Variants in MYRFL observed in about 807,000 individuals in gnomAD.
MYRFL encodes the protein myelin regulatory factor-like protein.
MYRFL carries 88 observed loss-of-function variants against 109.4 expected under a neutral mutation model. That is an observed-to-expected ratio of 0.80 (90% CI 0.68 to 0.96). The LOEUF (loss-of-function observed/expected upper bound fraction) is 0.96. MYRFL is among the 40% of genes least tolerant of loss of function. The pLI is 0.00. For synonymous variants in MYRFL, 324 were observed against 320.9 expected, an observed-to-expected ratio of 1.01 and a Z score of -0.10; for missense variants, 957 against 954.9, an observed-to-expected ratio of 1.00 and a Z score of -0.03.
At chr12:69,901,801 C>T (rs1954192026) in intron 10 of MYRFL, among the ~76,000 whole-genome samples, 2 of 151,990 alleles carry the variant, frequency 1.3e-5, no homozygotes, top group South Asian at 4.2e-4. Flanking sequence ...TAAATTTACA[C>T]AAAATAATGT....
intron 7 of MYRFL, among the ~76,000 whole-genome samples, chr12:69,891,798 A>C (rs543355452): frequency 6.6e-6 from 1 of 151,728 alleles, no homozygotes; most frequent in South Asian, 2.1e-4. Context: ...TCCCAGGCTC[A>C]AGTGGGAGCC....
chr12:69,851,476 T>C (rs994223299), intron 1 of MYRFL, among the ~76,000 whole-genome samples: 7 of 152,196 alleles, frequency 4.6e-5, no homozygotes, highest in Non-Finnish European at 1.0e-4. Flanking sequence ...GGGTAAAAAT[T>C]TGATGAGAAA....
chr12:69,836,861 T>C (rs961885554), intron 1 of MYRFL, among the ~76,000 whole-genome samples: 6 of 152,142 alleles, frequency 3.9e-5, no homozygotes, highest in African/African-American at 1.4e-4. Context: ...TGTGAAAATG[T>C]TAGAAAAAAC....
rs1044055662 is a variant in MYRFL, at chr12:69,880,278, G to A, written c.542G>A (p.Cys181Tyr). The A allele has an allele frequency of 7.1e-6, 5 of 702,566 alleles. No homozygotes were observed. The highest frequency in any genetic ancestry group is 1.3e-5 in the Non-Finnish European group (5 of 384,770). The allele number at this position is 702,566 out of a possible 1,614,324, so 43.5% of individuals were successfully genotyped here. A position where few individuals can be genotyped will look rare whatever the true frequency, so the allele number is the denominator to read the frequency against. ...EDSGECRVWA[C>Y]HCRPMTSRSR... ...TCCGGGGAATGCCGAGTGTGGGCCTGCCACTGCAGACCGAGTGAGCAAACC... is the reference window on the plus strand; with the variant it reads ...TCCGGGGAATGCCGAGTGTGGGCCTACCACTGCAGACCGAGTGAGCAAACC... The change falls in exon 5 of 25, where the codon TGC (cysteine) becomes TAC (tyrosine). Residue 181 changes from cysteine (C) to tyrosine (Y), a missense_variant. Coordinates refer to ENST00000552032, the MANE Select transcript of MYRFL (RefSeq NM_182530.3).
At chr12:69,918,093 C>T (rs994713139) in intron 13 of MYRFL, among the ~76,000 whole-genome samples, 7 of 152,136 alleles carry the variant, frequency 4.6e-5, no homozygotes, top group Non-Finnish European at 8.8e-5. Context: ...TGTTTTAAAA[C>T]ATTTCAGATT....
chr12:69,906,694 T>G (rs1036849654), intron 11 of MYRFL, among the ~76,000 whole-genome samples: 42 of 152,158 alleles, frequency 2.8e-4, no homozygotes, highest in African/African-American at 1.0e-3. Flanking sequence ...ATGCAAAGTC[T>G]CCCTCTGGGC....
Position 69,910,025 on chromosome 12 carries a change from C to T in MYRFL, c.1440C>T (p.Asp480=), listed in dbSNP as rs1457523157. 6.5e-7 allele frequency: 1 copy of T among 1,534,676 alleles called. No individual in the cohort carries two copies. Among genetic ancestry groups the T allele is most frequent in the East Asian group, 2.4e-5 (1 of 40,874 alleles). The part of the protein sequence containing the change: ...RIAQMRIVEY[D]YKPEFASAMG... ...CCCAAATGAGAATTGTTGAATATGA[C>T]TACAAACCTGAATTTGCATCTGCAA... The change falls in exon 12 of 25, where the codon GAC becomes GAT. Residue 480 remains aspartate (D), a synonymous_variant. Transcript: ENST00000552032.
At chr12:69,936,813 C>A (rs1955485426) in intron 19 of MYRFL, among the ~76,000 whole-genome samples, 181 bp downstream of exon 19, 1 of 152,146 alleles carries the variant, frequency 6.6e-6, no homozygotes, top group Admixed American at 6.5e-5. Flanking sequence ...GAGTTCCTTG[C>A]CCAGGAATGA....
At position 69,891,142 on chromosome 12, in the gene MYRFL, T is replaced by C. The variant is rs559498459; in HGVS notation, c.879T>C (p.Phe293=). Residue 293 remains phenylalanine (F), a synonymous_variant, in exon 7 of 25, where the codon TTT becomes TTC. Transcript: ENST00000552032. ...TGGGCCTAAAGCCAATAGAAATGTT[T>C]TACTTGAAAGTTTTTGGCACTAAGG... is the stretch of plus-strand genomic sequence containing the variant. ...TEMGLKPIEM[F]YLKVFGTKVE... 2.9e-5 allele frequency: 44 copies of C among 1,520,350 alleles called. No individual in the cohort carries two copies. The African/African-American group carries it at 5.7e-4, about 20-fold the overall frequency. 94.2% of individuals were successfully genotyped at this position (1,520,350 alleles called of 1,614,324 possible).
intron 13 of MYRFL, among the ~76,000 whole-genome samples, chr12:69,924,825 G>A (rs1955023462): frequency 6.6e-6 from 1 of 152,060 alleles, no homozygotes; most frequent in Admixed American, 6.5e-5. Context: ...GCAAACATAG[G>A]CCTCAGAAAT....
chr12:69,901,147 G>C (rs1414564893), intron 10 of MYRFL, among the ~76,000 whole-genome samples: 1 of 152,140 alleles, frequency 6.6e-6, no homozygotes, highest in Non-Finnish European at 1.5e-5. Flanking sequence ...TAGAATGCTC[G>C]GGTCTCTTCC....
chr12:69,875,734 AC>A (rs1434821276), intron 2 of MYRFL, among the ~76,000 whole-genome samples: 6 of 152,142 alleles, frequency 3.9e-5, no homozygotes, highest in Non-Finnish European at 7.3e-5. Flanking sequence ...TGAAAATCTA[AC>A]TAACGCCTGA....
intron 2 of MYRFL, among the ~76,000 whole-genome samples, chr12:69,857,311 T>TA (rs1884356871): frequency 6.6e-6 from 1 of 151,928 alleles, no homozygotes; most frequent in South Asian, 2.1e-4. Context: ...TTATAAGCCT[T>TA]AAAATAATAT....
chr12:69,952,758 C>A (rs1462699382), intron 20 of MYRFL, 41 bp from the exon 21 acceptor site: 2 of 1,364,178 alleles, frequency 1.5e-6, no homozygotes, highest in Non-Finnish European at 9.9e-7. Context: ...TTTTTCCTTT[C>A]AGAAGAGTTT....
chr12:69,896,078 C>CT (rs911829595), intron 9 of MYRFL, among the ~76,000 whole-genome samples: 4 of 152,124 alleles, frequency 2.6e-5, no homozygotes, highest in African/African-American at 9.7e-5. Context: ...AGAACTGCTG[C>CT]TTTTAGAACA....
At chr12:69,882,355 C>A (rs372386775) in intron 5 of MYRFL, among the ~76,000 whole-genome samples, 1 of 151,984 alleles carries the variant, frequency 6.6e-6, no homozygotes, top group Admixed American at 6.5e-5. Context: ...TTAGTTAATC[C>A]GAATGCCACA....
rs147240300 is a variant in MYRFL at position 69,900,835 on chromosome 12, G to A, written c.1183-2809G>A. On this transcript the variant is annotated intron_variant, in intron 10 of 24. Coordinates refer to ENST00000552032, the MANE Select transcript of MYRFL (RefSeq NM_182530.3). ...GCGCCATTTACATTGTATTTTTTAT[G>A]AAAGGCGTCCCCCTGGAATTGTGCA... 2.6e-3 allele frequency among the ~76,000 whole-genome samples: 392 copies of A among 152,270 alleles called. 1 individual carries two copies. The highest frequency in any genetic ancestry group is 9.0e-3 in the African/African-American group (374 of 41,554).
At position 69,832,491 on chromosome 12, in the gene MYRFL, C is replaced by T. The variant is rs568667247; in HGVS notation, c.46+6928C>T. On this transcript the variant is annotated intron_variant, in intron 1 of 24. Coordinates refer to ENST00000552032, the MANE Select transcript of MYRFL (RefSeq NM_182530.3). ...TCATTAATTATGAAGAAAATAAAAC[C>T]GGATGGTGGTGCAGAGAGTCTGATG... Among the ~76,000 whole-genome samples the T allele has an allele frequency of 2.0e-4, 31 of 152,088 alleles. 1 individual carries two copies. Among genetic ancestry groups the T allele is most frequent in the Non-Finnish European group, 2.8e-4 (19 of 67,976 alleles).
intron 2 of MYRFL, among the ~76,000 whole-genome samples, chr12:69,863,851 C>T (rs1048293357): frequency 3.9e-5 from 6 of 152,122 alleles, no homozygotes; most frequent in East Asian, 1.9e-4. Flanking sequence ...GATAGATTTT[C>T]TTAGTTTTCT....
Sources: allele counts gnomAD v4.1 joint callset (sites outside exome capture counted in the v4.1 genomes callset), GRCh38; gene constraint gnomAD v4.1.1; transcripts MANE v1.5; gene names NCBI Gene and HGNC (gene_info 2026-07-23, HGNC 2026-07-21).